TMC1: variants seen among roughly 807,000 people sequenced by gnomAD.
The protein encoded by TMC1 is transmembrane channel like 1.
TMC1 carries 84 observed loss-of-function variants against 105.8 expected under a neutral mutation model. The ratio of observed to expected loss-of-function variants is 0.79; its 90% confidence interval spans 0.67 to 0.95. The LOEUF (loss-of-function observed/expected upper bound fraction) is 0.95, where lower values mean the gene tolerates loss of function less well. Among genes scored for constraint, TMC1 ranks in the 40% least tolerant of loss-of-function variants. The probability of loss-of-function intolerance (pLI) is 0.00; values close to 1 mark genes in which losing one functional copy is unlikely to be tolerated. For synonymous variants in TMC1, 315 were observed against 311.5 expected, an observed-to-expected ratio of 1.01 and a Z score of -0.12; for missense variants, 817 against 914.1, an observed-to-expected ratio of 0.89 and a Z score of 1.37.
intron 5 of TMC1, among the ~76,000 whole-genome samples, chr9:72,657,828 A>G (rs1825907279): frequency 6.6e-6 from 1 of 152,378 alleles, no homozygotes; most frequent in African/African-American, 2.4e-5. Context: ...AAGTATCGCT[A>G]TGCAGAAGCC....
rs1003446759 is a variant in TMC1, at chr9:72,648,590, C to T, written c.-52-7C>T. 1 of 1,509,622 alleles carries T rather than the reference C, an allele frequency of 6.6e-7. No individual in the cohort carries two copies. Among genetic ancestry groups the T allele is most frequent in the East Asian group, 2.3e-5 (1 of 44,358 alleles). The allele number at this position is 1,509,622 out of a possible 1,614,324, so 93.5% of individuals were successfully genotyped here. ...AAACCTGAAATATTTGTTCCTTCAT[C>T]CTGCAGTCCCTCTCCAAACTAGCCA... On this transcript the variant is annotated splice_polypyrimidine_tract_variant and splice_region_variant and intron_variant, in intron 4 of 23. Transcript: ENST00000297784.
At chr9:72,553,139 A>G (rs1823882987) in intron 1 of TMC1, among the ~76,000 whole-genome samples, 1 of 151,938 alleles carries the variant, frequency 6.6e-6, no homozygotes, top group South Asian at 2.1e-4. Flanking sequence ...ATGCTGGGCT[A>G]ATTTTGTATT....
Position 72,754,668 on chromosome 9 carries a change from C to A in TMC1, c.643-118C>A, listed in dbSNP as rs1223435818. 30 of 769,078 alleles carry A rather than the reference C, an allele frequency of 3.9e-5. No individual in the cohort carries two copies. The East Asian group carries it at 6.4e-4, about 17-fold the overall frequency. The allele number at this position is 769,078 out of a possible 1,614,324, so 47.6% of individuals were successfully genotyped here. A position where few individuals can be genotyped will look rare whatever the true frequency, so the allele number is the denominator to read the frequency against. On this transcript the variant is annotated intron_variant, in intron 11 of 23. Coordinates refer to ENST00000297784, the MANE Select transcript of TMC1 (RefSeq NM_138691.3). ...AGAAAATGGGACCCCACATGGAGAC[C>A]CAAAGAGTCCCCATAAAAATGTTTC...
At chr9:72,753,769 A>T (rs1349161577) in intron 11 of TMC1, among the ~76,000 whole-genome samples, 53 of 152,180 alleles carry the variant, frequency 3.5e-4, no homozygotes, top group Admixed American at 3.5e-3. Flanking sequence ...GGGCTCACTC[A>T]GTATTCCTCC....
chr9:72,600,357 G>A (rs988783200), intron 2 of TMC1, among the ~76,000 whole-genome samples: 1 of 152,190 alleles, frequency 6.6e-6, no homozygotes, highest in African/African-American at 2.4e-5. Context: ...ACATCCTCCA[G>A]TGTGACAGGA....
At chr9:72,690,041 T>G (rs1826439206) in intron 6 of TMC1, among the ~76,000 whole-genome samples, 1 of 152,020 alleles carries the variant, frequency 6.6e-6, no homozygotes, top group African/African-American at 2.4e-5. Flanking sequence ...TTATCTCATG[T>G]TATTCTCCTT....
intron 5 of TMC1, among the ~76,000 whole-genome samples, chr9:72,682,692 T>C (rs1370973759): frequency 6.6e-6 from 1 of 152,360 alleles, no homozygotes; most frequent in South Asian, 2.1e-4. Flanking sequence ...TGTTGTCTAC[T>C]TCACAACCAC....
chr9:72,639,491 C>T (rs965816126), intron 4 of TMC1, among the ~76,000 whole-genome samples: 6 of 151,920 alleles, frequency 3.9e-5, no homozygotes, highest in Non-Finnish European at 8.8e-5. Context: ...CTAGAAAAAT[C>T]CTTTGAAAAA....
At chr9:72,682,450 C>A (rs1342993869) in intron 5 of TMC1, among the ~76,000 whole-genome samples, 2 of 152,126 alleles carry the variant, frequency 1.3e-5, no homozygotes, top group African/African-American at 4.8e-5. Flanking sequence ...CATAATTATT[C>A]TCTTCATTCA....
chr9:72,794,828 T>A (rs773417652), intron 17 of TMC1, among the ~76,000 whole-genome samples: 1 of 152,118 alleles, frequency 6.6e-6, no homozygotes, highest in Non-Finnish European at 1.5e-5. Context: ...GGAATGAAGA[T>A]CATTGAGATT....
chr9:72,751,992 A>G (rs750228353), intron 11 of TMC1, 36 bp downstream of exon 11: 1 of 1,309,872 alleles, frequency 7.6e-7, no homozygotes, highest in Non-Finnish European at 1.1e-6. Flanking sequence ...AACATGCTGA[A>G]AAATGTTTCT....
chr9:72,770,285 CAT>C (rs1033172891), intron 12 of TMC1, among the ~76,000 whole-genome samples: 109 of 145,250 alleles, frequency 7.5e-4, no homozygotes, highest in African/African-American at 2.2e-3. Flanking sequence ...CACACATATA[CAT>C]ATATATATAT....
chr9:72,612,984 G>A (rs1052594476), intron 2 of TMC1, among the ~76,000 whole-genome samples: 4 of 152,080 alleles, frequency 2.6e-5, no homozygotes, highest in African/African-American at 9.7e-5. Context: ...TCATCATATC[G>A]CTGTGGCTTG....
intron 4 of TMC1, among the ~76,000 whole-genome samples, chr9:72,637,338 C>T (rs1219345202): frequency 6.6e-6 from 1 of 151,840 alleles, no homozygotes; most frequent in Non-Finnish European, 1.5e-5. Context: ...AACTCTCCTA[C>T]TCTATACGTT....
intron 13 of TMC1, among the ~76,000 whole-genome samples, chr9:72,781,854 C>A (rs777195367): frequency 2.6e-5 from 4 of 152,160 alleles, no homozygotes; most frequent in Non-Finnish European, 5.9e-5. Flanking sequence ...CTGGACCAGA[C>A]AAATTCACAG....
intron 10 of TMC1, among the ~76,000 whole-genome samples, chr9:72,749,643 T>C (rs1354061885): frequency 6.6e-6 from 1 of 152,150 alleles, no homozygotes; most frequent in East Asian, 1.9e-4. Flanking sequence ...TATAGAACTC[T>C]GCACCCCTCG....
chr9:72,649,341 A>T (rs1760730675), intron 5 of TMC1, among the ~76,000 whole-genome samples: 2 of 152,202 alleles, frequency 1.3e-5, no homozygotes, highest in South Asian at 4.1e-4. Flanking sequence ...CCTAAAGACA[A>T]ACTGGCAGAA....
chr9:72,629,511 T>A (rs1255888816), intron 4 of TMC1, among the ~76,000 whole-genome samples: 1 of 152,156 alleles, frequency 6.6e-6, no homozygotes, highest in South Asian at 2.1e-4. Context: ...ATGATTATAA[T>A]GCAGAATGTT....
intron 2 of TMC1, among the ~76,000 whole-genome samples, chr9:72,583,278 A>C (rs1444026065): frequency 6.6e-6 from 1 of 152,152 alleles, no homozygotes; most frequent in Admixed American, 6.5e-5. Flanking sequence ...GAAAACCCCA[A>C]ATAAACAGAC....
Sources: gnomAD v4.1 joint callset for allele counts (sites outside exome capture counted in the v4.1 genomes callset) on GRCh38, gnomAD v4.1.1 for gene constraint, MANE v1.5 for transcripts, NCBI Gene and HGNC (gene_info 2026-07-23, HGNC 2026-07-21) for gene names.